RAP1GAP2: variants seen among roughly 807,000 people sequenced by gnomAD.
RAP1GAP2 encodes RAP1 GTPase activating protein 2, also known as rap1 GTPase-activating protein 2.
RAP1GAP2 carries 27 observed loss-of-function variants against 95.0 expected under a neutral mutation model. That is an observed-to-expected ratio of 0.28 (90% CI 0.21 to 0.39). The LOEUF (loss-of-function observed/expected upper bound fraction) is 0.39, where lower values mean the gene tolerates loss of function less well. Ranked by LOEUF, RAP1GAP2 falls within the 10% of genes least tolerant of loss-of-function variation. The probability of loss-of-function intolerance (pLI) is 1.00; values close to 1 mark genes in which losing one functional copy is unlikely to be tolerated. For missense variants in RAP1GAP2, 771 were observed against 970.0 expected (o/e 0.79, Z 2.72); for synonymous variants, 373 against 380.9 (o/e 0.98, Z 0.24).
chr17:2,778,796 G>T (rs1260893830), intron 1 of RAP1GAP2, among the ~76,000 whole-genome samples: 1 of 152,196 alleles, frequency 6.6e-6, no homozygotes. Flanking sequence ...GGAAACAAGG[G>T]CGAGGACATG....
At chr17:2,833,869 A>G (rs899001750) in intron 2 of RAP1GAP2, among the ~76,000 whole-genome samples, 5 of 152,070 alleles carry the variant, frequency 3.3e-5, no homozygotes, top group Non-Finnish European at 7.4e-5. Context: ...CTATGCCACT[A>G]GTAGGAGTGT....
At chr17:2,856,117 C>T (rs1267324228) in intron 2 of RAP1GAP2, among the ~76,000 whole-genome samples, 4 of 152,144 alleles carry the variant, frequency 2.6e-5, no homozygotes, top group Non-Finnish European at 5.9e-5. Context: ...CTGTTTTCTG[C>T]CCTTCAGCAT....
chr17:2,851,458 G>A (rs746551493), intron 2 of RAP1GAP2, among the ~76,000 whole-genome samples: 1 of 152,140 alleles, frequency 6.6e-6, no homozygotes, highest in East Asian at 1.9e-4. Flanking sequence ...GGCTGTGGGG[G>A]CTGGAGTGGG....
intron 3 of RAP1GAP2, among the ~76,000 whole-genome samples, chr17:2,927,749 C>T (rs2043016247): frequency 1.3e-5 from 2 of 152,230 alleles, no homozygotes; most frequent in Non-Finnish European, 2.9e-5. Context: ...GGGTCCTCAT[C>T]GGTAAAATGG....
At chr17:3,009,927 A>AG (rs1299800657) in intron 17 of RAP1GAP2, among the ~76,000 whole-genome samples, 1 of 152,062 alleles carries the variant, frequency 6.6e-6, no homozygotes, top group Non-Finnish European at 1.5e-5. Context: ...GAAGGCAGGA[A>AG]GGGGGGCACC....
intron 2 of RAP1GAP2, among the ~76,000 whole-genome samples, chr17:2,816,071 C>G (rs73308065): frequency 0.029 from 4,477 of 152,272 alleles, 234 homozygotes; most frequent in African/African-American, 0.1. Flanking sequence ...CTGGGCTGAG[C>G]TCTGGGAGCC....
At chr17:2,958,088 T>C (rs1377027349) in intron 4 of RAP1GAP2, among the ~76,000 whole-genome samples, 2 of 152,084 alleles carry the variant, frequency 1.3e-5, no homozygotes, top group East Asian at 3.9e-4. Context: ...GAAGGGTCCA[T>C]TGTTCCTAGC....
chr17:2,787,200 C>T (rs543682799), intron 1 of RAP1GAP2, among the ~76,000 whole-genome samples: 1 of 152,076 alleles, frequency 6.6e-6, no homozygotes, highest in Non-Finnish European at 1.5e-5. Flanking sequence ...ATCCACCCCA[C>T]CATGGCCTCC....
intron 2 of RAP1GAP2, among the ~76,000 whole-genome samples, chr17:2,894,392 T>C (rs147507628): frequency 1.3e-5 from 2 of 152,204 alleles, no homozygotes; most frequent in African/African-American, 2.4e-5. Context: ...ATCGCGCCAC[T>C]GCTCTCCAGA....
At chr17:2,765,727 A>T (rs1224312821) in intron 1 of RAP1GAP2, among the ~76,000 whole-genome samples, 1 of 149,264 alleles carries the variant, frequency 6.7e-6, no homozygotes, top group African/African-American at 2.5e-5. Context: ...TGGGCGACAG[A>T]GGGAGACTCT....
At chr17:2,938,239 C>A (rs769969425) in intron 3 of RAP1GAP2, among the ~76,000 whole-genome samples, 1 of 152,142 alleles carries the variant, frequency 6.6e-6, no homozygotes, top group Non-Finnish European at 1.5e-5. Context: ...GGCTGAGTGA[C>A]CAACCCATGC....
intron 10 of RAP1GAP2, among the ~76,000 whole-genome samples, chr17:2,982,194 C>T (rs908848814): frequency 2.0e-5 from 3 of 152,184 alleles, no homozygotes; most frequent in African/African-American, 7.2e-5. Flanking sequence ...GGCTGGAGTG[C>T]AGTGGCGTGA....
Position 2,904,136 on chromosome 17 carries a change from C to T in RAP1GAP2, c.81-1148C>T, listed in dbSNP as rs1597567918. Among the ~76,000 whole-genome samples, 1 of 152,100 alleles carries T rather than the reference C, an allele frequency of 6.6e-6. No individual in the cohort carries two copies. The highest frequency in any genetic ancestry group is 1.9e-4 in the East Asian group (1 of 5,192). ...GGGGGCTTTGACGGCTCAGCCCGGC[C>T]CTCTTCGGCTTTTAATACGGTTCTC... is the stretch of plus-strand genomic sequence containing the variant. On this transcript the variant is annotated intron_variant, in intron 2 of 24. Coordinates refer to ENST00000254695, the MANE Select transcript of RAP1GAP2 (RefSeq NM_015085.5). The surrounding 1 kb of genome is among the most constrained non-coding windows in gnomAD (Gnocchi z 4.7).
intron 2 of RAP1GAP2, 75 bp downstream of exon 2, chr17:2,800,625 G>C: frequency 6.7e-7 from 1 of 1,484,492 alleles, no homozygotes; most frequent in Non-Finnish European, 9.2e-7. Flanking sequence ...CTCCCCCCAG[G>C]TTGTGGGAGA....
At chr17:2,812,339 G>C (rs914825263) in intron 2 of RAP1GAP2, among the ~76,000 whole-genome samples, 6 of 152,170 alleles carry the variant, frequency 3.9e-5, no homozygotes, top group Admixed American at 2.6e-4. Flanking sequence ...TGAGTCATGG[G>C]GGGGTGGTTC....
upstream of RAP1GAP2, among the ~76,000 whole-genome samples, chr17:2,792,824 CTGCCGTTCAGATGTCTG>C (rs2068961956): frequency 4.6e-5 from 7 of 152,366 alleles, no homozygotes; most frequent in South Asian, 1.4e-3. Context: ...TGTCTCCAGG[CTGCCGTTCAGATGTCTG>C]TGCCTGGGCC....
At chr17:2,901,564 C>G (rs12951927) in intron 2 of RAP1GAP2, among the ~76,000 whole-genome samples, 1 of 152,024 alleles carries the variant, frequency 6.6e-6, no homozygotes, top group Non-Finnish European at 1.5e-5. Context: ...CTGTGGGTCA[C>G]AAAGAAGTTG....
intron 2 of RAP1GAP2, among the ~76,000 whole-genome samples, chr17:2,806,317 C>G (rs1049565351): frequency 6.6e-6 from 1 of 152,046 alleles, no homozygotes; most frequent in African/African-American, 2.4e-5. Flanking sequence ...GAGACATTGT[C>G]CATGAGAGCA....
At chr17:2,776,770 C>A (rs1003826366), upstream of RAP1GAP2, among the ~76,000 whole-genome samples, 8 of 149,972 alleles carry the variant, frequency 5.3e-5, no homozygotes, top group Admixed American at 4.6e-4. Flanking sequence ...GCGCTGGGGC[C>A]GGCCGGGGTG....
Sources: allele counts gnomAD v4.1 joint callset (sites outside exome capture counted in the v4.1 genomes callset), GRCh38; gene constraint gnomAD v4.1.1; non-coding constraint Gnocchi (gnomAD v3.1); transcripts MANE v1.5; gene names NCBI Gene and HGNC (gene_info 2026-07-23, HGNC 2026-07-21).